Variants in CACNA1H observed in about 807,000 individuals in gnomAD.
CACNA1H encodes voltage-dependent T-type calcium channel subunit alpha-1H.
In CACNA1H, 149 loss-of-function variants were observed where a neutral mutation model predicts 192.5. The ratio of observed to expected loss-of-function variants is 0.77; its 90% CI spans 0.68 to 0.89. The LOEUF (loss-of-function observed/expected upper bound fraction) is 0.89. CACNA1H is among the 40% of genes least tolerant of loss of function. The pLI, the probability that CACNA1H is intolerant of heterozygous loss-of-function variation, is 0.00. For missense variants in CACNA1H, 4,257 were observed against 3,423.5 expected, an observed-to-expected ratio of 1.24 and a Z score of -6.08; for synonymous variants, 2,202 against 1,475.2, an observed-to-expected ratio of 1.49 and a Z score of -11.29.
chr16:1,181,778 C>T (rs1596341640), intron 2 of CACNA1H, among the ~76,000 whole-genome samples: 1 of 152,178 alleles, frequency 6.6e-6, no homozygotes, highest in African/African-American at 2.4e-5. Flanking sequence ...CATCTCAGGC[C>T]TGAAGAGGGC....
intron 2 of CACNA1H, among the ~76,000 whole-genome samples, chr16:1,158,814 G>A (rs1170571194): frequency 4.0e-5 from 6 of 151,894 alleles, no homozygotes; most frequent in Non-Finnish European, 8.8e-5. Context: ...GGCCCCGCAG[G>A]GCGCCACTCA....
At chr16:1,183,675 C>G (rs1164535660) in intron 2 of CACNA1H, among the ~76,000 whole-genome samples, 1 of 152,232 alleles carries the variant, frequency 6.6e-6, no homozygotes, top group African/African-American at 2.4e-5. Context: ...CCCCGGGCAC[C>G]GTCCCGTCCT....
Position 1,206,155 on chromosome 16 carries a change from C to A in CACNA1H, c.2655C>A (p.Thr885=). The change falls in exon 12 of 35, where the codon ACC becomes ACA. Residue 885 remains threonine, a synonymous_variant. Coordinates refer to ENST00000348261, the MANE Select transcript of CACNA1H (RefSeq NM_021098.3). ...QADGGLSVLR[T]FRLLRVLKLV... ...ACGGTGGCTTGTCTGTGCTGCGCAC[C>A]TTCCGGCTGCTGCGTGTGCTGAAGC... The A allele has an allele frequency of 1.2e-5, 19 of 1,585,738 alleles. No individual in the cohort carries two copies. The highest frequency in any genetic ancestry group is 1.6e-5 in the Non-Finnish European group (19 of 1,167,970).
chr16:1,157,725 C>T (rs550053892), intron 2 of CACNA1H: 1 of 152,462 alleles, frequency 6.6e-6, no homozygotes, highest in East Asian at 1.9e-4. Context: ...GGGGCTGCCT[C>T]AGTGGTCGGA....
intron 32 of CACNA1H, 22 bp downstream of exon 32, chr16:1,218,062 C>A (rs562385521): frequency 7.0e-5 from 111 of 1,591,146 alleles, no homozygotes; most frequent in Non-Finnish European, 9.3e-5. Context: ...GGCCATGCCT[C>A]TGGCACCTGG....
Position 1,198,686 on chromosome 16 carries a change from TTCG to T in CACNA1H, c.718_720del (p.Val240del). ...CGGGAACGTCCTTCTGCTGTGCTTC[TTCG>T]TCTTCTTCATTTTCGGCATCGTTGG... On this transcript the variant is annotated inframe_deletion, in exon 6 of 35. Transcript: ENST00000348261. The T allele has an allele frequency of 6.2e-7, 1 of 1,613,514 alleles. No individual in the cohort carries two copies. The highest frequency in any genetic ancestry group is 8.5e-7 in the Non-Finnish European group (1 of 1,179,644).
At chr16:1,160,277 A>T (rs543080529) in intron 2 of CACNA1H, 1 of 152,198 alleles carries the variant, frequency 6.6e-6, no homozygotes, top group Non-Finnish European at 1.5e-5. Flanking sequence ...TCAGTGGCTC[A>T]TGTTGGCGTA....
intron 2 of CACNA1H, among the ~76,000 whole-genome samples, chr16:1,156,759 C>T (rs1044299397): frequency 6.6e-6 from 1 of 151,938 alleles, no homozygotes; most frequent in Admixed American, 6.5e-5. Context: ...CCGCCGGGCC[C>T]AGCCTGAGCC....
chr16:1,218,857 C>A, intron 33 of CACNA1H, 113 bp from the exon 34 acceptor site: 1 of 996,762 alleles, frequency 1.0e-6, no homozygotes, highest in Non-Finnish European at 1.3e-6. Context: ...ACGGGTCGGG[C>A]TGGGGCTGGC....
At chr16:1,181,484 C>T (rs1358976706) in intron 2 of CACNA1H, among the ~76,000 whole-genome samples, 2 of 152,248 alleles carry the variant, frequency 1.3e-5, no homozygotes, top group African/African-American at 2.4e-5. Context: ...AGGTCCTTGC[C>T]GGTGTGGCTG....
chr16:1,155,539 C>T (rs1473309099), intron 2 of CACNA1H, among the ~76,000 whole-genome samples: 1 of 152,080 alleles, frequency 6.6e-6, no homozygotes, highest in African/African-American at 2.4e-5. Flanking sequence ...TGGCCCCGAG[C>T]CAAGGCCTGC....
chr16:1,170,086 C>G (rs375966211), intron 2 of CACNA1H, among the ~76,000 whole-genome samples: 8 of 152,320 alleles, frequency 5.3e-5, no homozygotes, highest in African/African-American at 1.9e-4. Context: ...AGGGCGGCCT[C>G]CCGGCTTACA....
At chr16:1,190,911 C>G (rs1567485760) in intron 2 of CACNA1H, among the ~76,000 whole-genome samples, 1 of 150,278 alleles carries the variant, frequency 6.7e-6, no homozygotes, top group South Asian at 2.1e-4. Flanking sequence ...TGTGTGGCCT[C>G]AGGCACACTC....
chr16:1,187,532 C>T lies in CACNA1H; in HGVS notation c.300-7440C>T, dbSNP rs182928995. ...CTGTTGCAGATTTGGCCTAATGGGG[C>T]TCAGCTGGCTGAGCAGATTGCTCTA... On this transcript the variant is annotated intron_variant, in intron 2 of 34. Coordinates refer to ENST00000348261, the MANE Select transcript of CACNA1H (RefSeq NM_021098.3). Among the ~76,000 whole-genome samples the T allele has an allele frequency of 2.6e-3, 395 of 152,370 alleles. 4 individuals are homozygous for T. Among genetic ancestry groups the T allele is most frequent in the African/African-American group, 9.2e-3 (381 of 41,596 alleles).
rs2738897 is a variant in CACNA1H at position 1,210,767 on chromosome 16, G to C, written c.4039-20G>C. ...CCCCCCACGCCTGAGCCTGAGCTCAGTGCCATTGGCCCTCCGCAGGTGGTG... is the reference window on the plus strand; with the variant it reads ...CCCCCCACGCCTGAGCCTGAGCTCACTGCCATTGGCCCTCCGCAGGTGGTG... On this transcript the variant is annotated intron_variant, in intron 20 of 34. Transcript: ENST00000348261. The C allele has an allele frequency of 1.3e-6, 2 of 1,597,494 alleles. No homozygotes were observed. Among genetic ancestry groups the C allele is most frequent in the Non-Finnish European group, 8.5e-7 (1 of 1,178,394 alleles).
In CACNA1H at chr16:1,220,630, A is replaced by ACAG; in HGVS notation, c.6698_6699insCAG (p.Glu2233delinsAspArg). 6.3e-7 allele frequency: 1 copy of ACAG among 1,596,642 alleles called. No homozygotes were observed. Among genetic ancestry groups the ACAG allele is most frequent in the East Asian group, 2.2e-5 (1 of 44,554 alleles). On this transcript the variant is annotated protein_altering_variant, in exon 35 of 35. Coordinates refer to ENST00000348261, the MANE Select transcript of CACNA1H (RefSeq NM_021098.3). ...GCCACGCCTCACAGGGACTCCCTGG[A>ACAG]GCCCACAGAGGGCTCAGGCGCCGGG...
intron 2 of CACNA1H, among the ~76,000 whole-genome samples, chr16:1,178,914 C>T (rs895667787): frequency 3.9e-5 from 6 of 152,188 alleles, no homozygotes; most frequent in African/African-American, 1.2e-4. Flanking sequence ...CCCTTGCCAG[C>T]CCCGGAGGAC....
intron 26 of CACNA1H, 80 bp from the exon 27 acceptor site, chr16:1,213,700 T>C: frequency 6.9e-6 from 8 of 1,161,504 alleles, no homozygotes; most frequent in Non-Finnish European, 8.2e-6. Context: ...CTTGGCCACC[T>C]AGGAGGAGAA....
In CACNA1H at chr16:1,204,113, C is replaced by G; in HGVS notation, c.2106C>G (p.Tyr702Ter). The change falls in exon 10 of 35, where the codon TAC (tyrosine) becomes TAG (stop). Residue 702 changes from tyrosine (Y) to a stop codon, truncating the protein, a stop_gained. Transcript: ENST00000348261. LOFTEE classifies it high-confidence loss of function. ...CCTGTGAGCTGAAGAGCTGCCCGTACTGCACCCGTGCCCTGGAGGACCCGG... is the reference window on the plus strand; with the variant it reads ...CCTGTGAGCTGAAGAGCTGCCCGTAGTGCACCCGTGCCCTGGAGGACCCGG... The part of the protein sequence containing the change: ...TLTCELKSCP[Y>*]CTRALEDPEG... 1 of 1,611,880 alleles carries G rather than the reference C, an allele frequency of 6.2e-7. No individual in the cohort carries two copies. Among genetic ancestry groups the G allele is most frequent in the Non-Finnish European group, 8.5e-7 (1 of 1,179,578 alleles).
Sources: gnomAD v4.1 joint callset for allele counts (sites outside exome capture counted in the v4.1 genomes callset) on GRCh38, gnomAD v4.1.1 for gene constraint, MANE v1.5 for transcripts, NCBI Gene and HGNC (gene_info 2026-07-23, HGNC 2026-07-21) for gene names.